The following XKR9 variants were observed in gnomAD, a reference collection of about 807,000 sequenced individuals.
The protein encoded by XKR9 is XK-related protein 9.
In XKR9, 32 loss-of-function variants were observed where a neutral mutation model predicts 32.0. That is an observed-to-expected ratio of 1.00 (90% CI 0.76 to 1.34). The LOEUF is 1.34. Among genes scored for constraint, XKR9 ranks in the 40% most tolerant of loss-of-function variants. The pLI is 0.00. For synonymous variants in XKR9, 168 were observed against 143.4 expected (o/e 1.17, Z -1.22); for missense variants, 546 against 429.7 (o/e 1.27, Z -2.39).
intron 1 of XKR9, among the ~76,000 whole-genome samples, chr8:70,670,145 C>CA (rs1371766814): frequency 2.0e-5 from 3 of 152,160 alleles, no homozygotes; most frequent in Non-Finnish European, 2.9e-5. Flanking sequence ...GCCCAGATGA[C>CA]AGAGTCTGCG....
the XKR9 span, among the ~76,000 whole-genome samples, chr8:70,991,144 G>A: frequency 6.6e-6 from 1 of 152,124 alleles, no homozygotes; most frequent in Non-Finnish European, 1.5e-5. Context: ...TCTACCCAGA[G>A]GGCAGTAGAG....
intron 2 of XKR9, among the ~76,000 whole-genome samples, chr8:70,784,608 A>G (rs1018539645): frequency 6.6e-6 from 1 of 151,604 alleles, no homozygotes; most frequent in Non-Finnish European, 1.5e-5. Context: ...TAGAGTATGT[A>G]GGGTTTTCTA....
At chr8:70,924,617 G>A in the XKR9 span, among the ~76,000 whole-genome samples, 2 of 151,926 alleles carry the variant, frequency 1.3e-5, no homozygotes, top group Admixed American at 6.6e-5. Flanking sequence ...CTTTCTCCAC[G>A]TGGCAGATTC....
chr8:70,943,812 G>A, the XKR9 span, among the ~76,000 whole-genome samples: 4 of 152,048 alleles, frequency 2.6e-5, no homozygotes, highest in Non-Finnish European at 5.9e-5. Flanking sequence ...TTAAATTAAA[G>A]CCCACTTTTA....
At chr8:70,718,948 T>G (rs1353533126) in intron 4 of XKR9, among the ~76,000 whole-genome samples, 2 of 152,136 alleles carry the variant, frequency 1.3e-5, no homozygotes, top group Non-Finnish European at 2.9e-5. Context: ...GTAAAAGCAT[T>G]CTTATTTCTC....
At chr8:70,810,125 G>A in the XKR9 span, among the ~76,000 whole-genome samples, 3 of 152,166 alleles carry the variant, frequency 2.0e-5, no homozygotes, top group South Asian at 6.2e-4. Flanking sequence ...AAGAGAGTGG[G>A]GGCCAATCTT....
chr8:70,918,617 T>G, the XKR9 span, among the ~76,000 whole-genome samples: 1 of 151,666 alleles, frequency 6.6e-6, no homozygotes, highest in Non-Finnish European at 1.5e-5. Context: ...AAAGGTTTCC[T>G]AGGAGGCAGA....
intron 2 of XKR9, among the ~76,000 whole-genome samples, chr8:70,775,650 G>A (rs1202477707): frequency 1.3e-5 from 2 of 151,920 alleles, no homozygotes; most frequent in African/African-American, 4.8e-5. Context: ...AACCACACTT[G>A]GACATGATGT....
chr8:70,701,302 C>G (rs955878152), intron 3 of XKR9, among the ~76,000 whole-genome samples: 1 of 152,156 alleles, frequency 6.6e-6, no homozygotes. Context: ...AGCTGTAGAC[C>G]GGAGCTGTTC....
Position 70,682,809 on chromosome 8 carries a change from A to G in XKR9, c.272+1479A>G, listed in dbSNP as rs7001223. The stretch of plus-strand genomic sequence containing the variant: ...CTTTTAGCCTCTATGGTGTAGTTTC[A>G]AAATTTGGCACATACGTTGTTGGAA... On this transcript the variant is annotated intron_variant, in intron 3 of 4. Coordinates refer to ENST00000408926, the MANE Select transcript of XKR9 (RefSeq NM_001011720.2). 5.4e-3 allele frequency among the ~76,000 whole-genome samples: 824 copies of G among 152,250 alleles called. 11 individuals carry two copies. The highest frequency in any genetic ancestry group is 0.019 in the African/African-American group (791 of 41,540).
downstream of XKR9, among the ~76,000 whole-genome samples, chr8:70,793,046 A>C (rs768215230): frequency 6.6e-6 from 1 of 152,106 alleles, no homozygotes; most frequent in Non-Finnish European, 1.5e-5. Flanking sequence ...TTCTTCTAAG[A>C]CTGTTTTAGT....
chr8:70,914,692 G>A, the XKR9 span, among the ~76,000 whole-genome samples: 3 of 152,046 alleles, frequency 2.0e-5, no homozygotes, highest in Non-Finnish European at 4.4e-5. Context: ...TTCCTTAACG[G>A]TGTCTTTTAA....
chr8:70,727,137 T>G (rs1468675884), intron 4 of XKR9, among the ~76,000 whole-genome samples: 9 of 152,188 alleles, frequency 5.9e-5, no homozygotes, highest in Non-Finnish European at 1.3e-4. Context: ...TTGATCTTGA[T>G]GGAGCTTATG....
intron 4 of XKR9, among the ~76,000 whole-genome samples, chr8:70,711,065 A>G (rs1417305700): frequency 6.6e-6 from 1 of 152,190 alleles, no homozygotes; most frequent in Non-Finnish European, 1.5e-5. Context: ...AATCAAAACC[A>G]CAATGAGATA....
At chr8:71,024,474 G>A in the XKR9 span, among the ~76,000 whole-genome samples, 1 of 152,058 alleles carries the variant, frequency 6.6e-6, no homozygotes, top group Non-Finnish European at 1.5e-5. Flanking sequence ...GGGGCTACTG[G>A]GCCCTGTGGC....
chr8:70,823,749 C>T, the XKR9 span, among the ~76,000 whole-genome samples: 1 of 152,014 alleles, frequency 6.6e-6, no homozygotes, highest in East Asian at 1.9e-4. Flanking sequence ...GAGATTGTCT[C>T]TTGAGAGAAC....
At chr8:70,787,199 A>G (rs1807699985) in intron 2 of XKR9, among the ~76,000 whole-genome samples, 2 of 152,168 alleles carry the variant, frequency 1.3e-5, no homozygotes, top group Non-Finnish European at 2.9e-5. Context: ...GCTTTCACTG[A>G]AAACAAATTC....
chr8:70,868,717 T>A, the XKR9 span, among the ~76,000 whole-genome samples: 1 of 152,202 alleles, frequency 6.6e-6, no homozygotes, highest in South Asian at 2.1e-4. Flanking sequence ...AACATTAGTC[T>A]CCTCATTACT....
intron 3 of XKR9, among the ~76,000 whole-genome samples, chr8:70,693,373 T>G (rs1017533761): frequency 6.6e-6 from 1 of 152,160 alleles, no homozygotes; most frequent in African/African-American, 2.4e-5. Flanking sequence ...TTTAGGCTTA[T>G]CAGTCAGTTG....
Sources: allele counts gnomAD v4.1 joint callset (sites outside exome capture counted in the v4.1 genomes callset), GRCh38; gene constraint gnomAD v4.1.1; transcripts MANE v1.5; gene names NCBI Gene and HGNC (gene_info 2026-07-23, HGNC 2026-07-21).